Variants in CNTNAP2 observed in about 807,000 individuals in gnomAD.
The protein encoded by CNTNAP2 is contactin associated protein 2, also known as contactin-associated protein-like 2.
Under a neutral mutation model 155.2 loss-of-function variants are expected in CNTNAP2, and 98 were observed. The observed-to-expected ratio is 0.63, with a 90% CI of 0.54 to 0.75. The LOEUF is 0.75. Ranked by LOEUF, CNTNAP2 falls within the 30% of genes least tolerant of loss-of-function variation. The probability of loss-of-function intolerance (pLI) is 0.00; values close to 1 mark genes in which losing one functional copy is unlikely to be tolerated. For missense variants in CNTNAP2, 1,727 were observed against 1,688.1 expected (o/e 1.02, Z -0.40); for synonymous variants, 651 against 631.2 (o/e 1.03, Z -0.47).
Position 147,300,268 on chromosome 7 carries a change from T to A in CNTNAP2, c.1476T>A (p.Thr492=). ...CTAATAGTCCCCTTCAAGTTAAAAC[T>A]GGCGAGAAGTACTTTTTTGGAGGTA... ...VRTNSPLQVK[T]GEKYFFGGFL... Residue 492 remains threonine, a synonymous_variant, in exon 9 of 24, where the codon ACT becomes ACA. Coordinates refer to ENST00000361727, the MANE Select transcript of CNTNAP2 (RefSeq NM_014141.6). 6.2e-7 allele frequency: 1 copy of A among 1,613,912 alleles called. No individual in the cohort carries two copies. The highest frequency in any genetic ancestry group is 2.2e-5 in the East Asian group (1 of 44,836).
At chr7:148,088,530 T>C (rs190094043) in intron 15 of CNTNAP2, among the ~76,000 whole-genome samples, 2 of 151,948 alleles carry the variant, frequency 1.3e-5, no homozygotes, top group Non-Finnish European at 2.9e-5. Context: ...CAAGAAACTG[T>C]TATGAACAAT....
chr7:146,839,878 C>A lies in CNTNAP2; in HGVS notation c.376C>A (p.Pro126Thr), dbSNP rs1803686161. The A allele has an allele frequency of 1.2e-6, 2 of 1,614,072 alleles. No homozygotes were observed. Among genetic ancestry groups the A allele is most frequent in the South Asian group, 2.2e-5 (2 of 91,072 alleles). Residue 126 changes from proline to threonine, a missense_variant, in exon 3 of 24, where the codon CCC becomes ACC. Transcript: ENST00000361727. ...LYSDTGRNWK[P>T]YHQDGNIWAF... ...CAGCGACACAGGGAGAAACTGGAAA[C>A]CCTATCATCAAGATGGGAATATCTG...
chr7:147,375,099 T>C (rs371208556), intron 9 of CNTNAP2, among the ~76,000 whole-genome samples: 19 of 151,904 alleles, frequency 1.3e-4, no homozygotes, highest in African/African-American at 3.9e-4. Context: ...GTAAGACGTG[T>C]CTGCTTCCCC....
intron 12 of CNTNAP2, among the ~76,000 whole-genome samples, chr7:147,630,315 G>GT (rs1318129500): frequency 0.035 from 914 of 26,456 alleles, 8 homozygotes; most frequent in African/African-American, 0.11. Flanking sequence ...TGAAACAGTA[G>GT]TAAAAAAAAA....
At chr7:146,496,392 T>A (rs759788617) in intron 1 of CNTNAP2, among the ~76,000 whole-genome samples, 1 of 152,190 alleles carries the variant, frequency 6.6e-6, no homozygotes, top group African/African-American at 2.4e-5. Context: ...ATTCACCGAT[T>A]TAGCAAATGA....
chr7:146,197,151 A>G (rs986572013), intron 1 of CNTNAP2, among the ~76,000 whole-genome samples: 26 of 152,196 alleles, frequency 1.7e-4, no homozygotes, highest in African/African-American at 6.3e-4. Flanking sequence ...ATGATAGCAT[A>G]AACTAGCATT....
intron 9 of CNTNAP2, among the ~76,000 whole-genome samples, chr7:147,386,281 G>T (rs1373736368): frequency 1.3e-5 from 2 of 152,110 alleles, no homozygotes; most frequent in Non-Finnish European, 2.9e-5. Flanking sequence ...TTAACATTTG[G>T]ATCCTTGTTA....
At chr7:146,173,934 C>T (rs1584786784) in intron 1 of CNTNAP2, among the ~76,000 whole-genome samples, 1 of 152,218 alleles carries the variant, frequency 6.6e-6, no homozygotes, top group East Asian at 1.9e-4. Context: ...AATCCAGGAG[C>T]TGTGGCTCAA....
intron 9 of CNTNAP2, among the ~76,000 whole-genome samples, chr7:147,371,142 AAGACATTGATATGAAGAT>A (rs570346017): frequency 3.3e-5 from 5 of 152,298 alleles, no homozygotes; most frequent in African/African-American, 1.2e-4. Flanking sequence ...TGCTTAAATG[AAGACATTGATATGAAGAT>A]TCATATCTGA....
intron 3 of CNTNAP2, among the ~76,000 whole-genome samples, chr7:146,897,944 TTTAATA>T (rs1460487883): frequency 1.3e-5 from 2 of 152,098 alleles, no homozygotes; most frequent in Admixed American, 1.3e-4. Context: ...TATATATATT[TTTAATA>T]TCTAAAAACA....
chr7:148,341,331 C>T (rs1226634449), intron 21 of CNTNAP2, among the ~76,000 whole-genome samples: 2 of 151,468 alleles, frequency 1.3e-5, no homozygotes, highest in African/African-American at 2.4e-5. Flanking sequence ...AGTTCTAATC[C>T]GTAATAGTGT....
chr7:148,402,278 A>G (rs1179600345), intron 22 of CNTNAP2, among the ~76,000 whole-genome samples: 2 of 152,158 alleles, frequency 1.3e-5, no homozygotes, highest in Non-Finnish European at 2.9e-5. Flanking sequence ...AAAAAGTCAC[A>G]ATCACCTTCC....
chr7:146,613,403 T>C (rs1447331772), intron 1 of CNTNAP2, among the ~76,000 whole-genome samples: 1 of 152,212 alleles, frequency 6.6e-6, no homozygotes, highest in Non-Finnish European at 1.5e-5. Context: ...TAACATTTTG[T>C]TCATTTGACT....
chr7:146,290,699 T>C (rs1293913820), intron 1 of CNTNAP2, among the ~76,000 whole-genome samples: 1 of 152,220 alleles, frequency 6.6e-6, no homozygotes, highest in African/African-American at 2.4e-5. Context: ...AAACTGTTTG[T>C]GTTTTATTGG....
chr7:147,272,771 T>C (rs1584835423), intron 8 of CNTNAP2, among the ~76,000 whole-genome samples: 1 of 151,952 alleles, frequency 6.6e-6, no homozygotes, highest in East Asian at 1.9e-4. Flanking sequence ...CCTCCTAAAG[T>C]GCTGGGATTA....
chr7:148,218,730 G>T (rs1051010721), intron 19 of CNTNAP2, among the ~76,000 whole-genome samples: 8 of 151,956 alleles, frequency 5.3e-5, no homozygotes, highest in South Asian at 4.2e-4. Context: ...GGCCATCTTG[G>T]TCGTCAAACA....
intron 15 of CNTNAP2, among the ~76,000 whole-genome samples, chr7:148,112,677 G>A (rs901924000): frequency 1.3e-5 from 2 of 152,022 alleles, no homozygotes; most frequent in African/African-American, 4.8e-5. Context: ...TTACAGGTGT[G>A]AGGCACCATG....
intron 1 of CNTNAP2, among the ~76,000 whole-genome samples, chr7:146,290,840 C>T (rs1159388483): frequency 6.6e-6 from 1 of 152,220 alleles, no homozygotes; most frequent in Non-Finnish European, 1.5e-5. Flanking sequence ...CCCCAGTCTA[C>T]TCAAATGTTT....
chr7:146,946,072 CCCTTCCTT>C lies in CNTNAP2; in HGVS notation c.403-97818_403-97811del, dbSNP rs10625736. ...CTGAAAAGGAGACCCTTCCTTCCTT[CCCTTCCTT>C]CCTTCCTTCCTTCCTTTCCTTCTTT... is the stretch of plus-strand genomic sequence containing the variant. On this transcript the variant is annotated intron_variant, in intron 3 of 23. Transcript: ENST00000361727. Among the ~76,000 whole-genome samples the C allele has an allele frequency of 1.3e-4, 20 of 149,958 alleles. 1 individual carries two copies. The highest frequency in any genetic ancestry group is 3.2e-4 in the African/African-American group (13 of 40,794).
Sources: allele counts gnomAD v4.1 joint callset (sites outside exome capture counted in the v4.1 genomes callset), GRCh38; gene constraint gnomAD v4.1.1; transcripts MANE v1.5; gene names NCBI Gene and HGNC (gene_info 2026-07-23, HGNC 2026-07-21).